The following AVL9 variants were observed in gnomAD, a reference collection of about 807,000 sequenced individuals.
The protein encoded by AVL9 is AVL9 cell migration associated.
In AVL9, 49 loss-of-function variants were observed where a neutral mutation model predicts 79.2. The ratio of observed to expected loss-of-function variants is 0.62; its 90% CI spans 0.49 to 0.79. The LOEUF (loss-of-function observed/expected upper bound fraction) is 0.79, where lower values mean the gene tolerates loss of function less well. Ranked by LOEUF, AVL9 falls within the 30% of genes least tolerant of loss-of-function variation. AVL9 has a pLI of 0.00. For synonymous variants in AVL9, 299 were observed against 280.6 expected, an observed-to-expected ratio of 1.07 and a Z score of -0.65; for missense variants, 682 against 776.8, an observed-to-expected ratio of 0.88 and a Z score of 1.45.
chr7:32,551,464 A>G, intron 5 of AVL9, 41 bp downstream of exon 5: 1 of 1,127,406 alleles, frequency 8.9e-7, no homozygotes, highest in Non-Finnish European at 1.3e-6. Flanking sequence ...GGCTGAAGAT[A>G]GACTCATGAA....
intron 10 of AVL9, among the ~76,000 whole-genome samples, chr7:32,565,369 G>T (rs1165710021): frequency 6.6e-6 from 1 of 152,092 alleles, no homozygotes; most frequent in African/African-American, 2.4e-5. Flanking sequence ...AGACCAGCCT[G>T]ACCAACATGG....
intron 1 of AVL9, among the ~76,000 whole-genome samples, chr7:32,528,642 G>T (rs1170891787): frequency 6.6e-6 from 1 of 151,964 alleles, no homozygotes; most frequent in African/African-American, 2.4e-5. Flanking sequence ...CTTTTTTTCA[G>T]AAAAGAAACT....
rs1323156995 is a variant in AVL9 at position 32,584,024 on chromosome 7, T to C, written c.*117T>C. The C allele has an allele frequency of 1.7e-5, 13 of 755,650 alleles. No homozygotes were observed. Among genetic ancestry groups the C allele is most frequent in the Admixed American group, 6.0e-5 (3 of 50,416 alleles). The allele number at this position is 755,650 out of a possible 1,614,324, so 46.8% of individuals were successfully genotyped here. On this transcript the variant is annotated 3_prime_UTR_variant, in exon 16 of 16. Coordinates refer to ENST00000318709, the MANE Select transcript of AVL9 (RefSeq NM_015060.3). ...GCAGGGGACCATATGTCGAACTGTT[T>C]ACATGGATGTTGCTCTAAGTGAATG...
intron 1 of AVL9, chr7:32,532,543 G>A (rs1365702412): frequency 9.1e-6 from 1 of 109,868 alleles, no homozygotes; most frequent in African/African-American, 3.2e-5. Context: ...ACTGTGGTGG[G>A]ATTCTCATAA....
chr7:32,522,898 A>T (rs1415716349), intron 1 of AVL9, among the ~76,000 whole-genome samples: 1 of 152,066 alleles, frequency 6.6e-6, no homozygotes, highest in Non-Finnish European at 1.5e-5. Context: ...TGATGGGTTT[A>T]TCAGGAGTTT....
At chr7:32,497,584 T>G (rs962081607) in intron 1 of AVL9, among the ~76,000 whole-genome samples, 2 of 152,110 alleles carry the variant, frequency 1.3e-5, no homozygotes, top group Non-Finnish European at 2.9e-5. Flanking sequence ...CGGTTTTAAC[T>G]TGTGTGAGGG....
At chr7:32,558,870 C>T (rs1477693329) in intron 9 of AVL9, 59 bp from the exon 10 acceptor site, 3 of 1,409,124 alleles carry the variant, frequency 2.1e-6, no homozygotes, top group African/African-American at 1.4e-5. Context: ...TAATATATAG[C>T]TCTCAGGTTC....
chr7:32,575,089 T>TTTTTGTTTTGTTTTGTTTTG (rs10634953), intron 12 of AVL9, among the ~76,000 whole-genome samples: 22 of 149,350 alleles, frequency 1.5e-4, no homozygotes, highest in African/African-American at 5.2e-4. Context: ...TTTAAGACTT[T>TTTTTGTTTTGTTTTGTTTTG]TTTTGTTTTG....
chr7:32,520,047 G>C (rs1203216790), intron 1 of AVL9, among the ~76,000 whole-genome samples: 1 of 152,272 alleles, frequency 6.6e-6, no homozygotes, highest in East Asian at 1.9e-4. Flanking sequence ...CTCCCACCAG[G>C]TCCCTCCCCT....
In AVL9 at chr7:32,572,524, C is replaced by T. The variant is rs1014288809; in HGVS notation, c.1351-675C>T. Among the ~76,000 whole-genome samples, 6 of 150,308 alleles carry T rather than the reference C, an allele frequency of 4.0e-5. 1 individual carries two copies. The highest frequency in any genetic ancestry group is 1.5e-4 in the African/African-American group (6 of 39,874). ...AATAAGATATTCTAAAGTATCTGGC[C>T]GGGCATGGTGGCTCACGCCTGTAAT... On this transcript the variant is annotated intron_variant, in intron 11 of 15. Transcript: ENST00000318709.
At chr7:32,574,122 T>G (rs778356902) in intron 12 of AVL9, among the ~76,000 whole-genome samples, 4 of 152,200 alleles carry the variant, frequency 2.6e-5, no homozygotes, top group Non-Finnish European at 5.9e-5. Flanking sequence ...CTAACCATTA[T>G]TTTTTTAATT....
chr7:32,502,834 G>A (rs184129973), intron 1 of AVL9, among the ~76,000 whole-genome samples: 451 of 152,308 alleles, frequency 3.0e-3, no homozygotes, highest in Non-Finnish European at 4.5e-3. Flanking sequence ...CTCTGACTTT[G>A]TTGGGCCCTA....
At chr7:32,547,548 G>A (rs997055150) in intron 3 of AVL9, among the ~76,000 whole-genome samples, 1 of 152,152 alleles carries the variant, frequency 6.6e-6, no homozygotes, top group African/African-American at 2.4e-5. Context: ...TGTTTTAACA[G>A]CCCTCGTGCT....
chr7:32,567,921 T>C (rs1445275790), intron 10 of AVL9, among the ~76,000 whole-genome samples: 2 of 151,994 alleles, frequency 1.3e-5, no homozygotes, highest in African/African-American at 4.8e-5. Context: ...GGTTTCACCA[T>C]GTTGGTCAGG....
intron 1 of AVL9, among the ~76,000 whole-genome samples, chr7:32,513,495 A>G (rs1489512400): frequency 3.9e-5 from 6 of 152,220 alleles, no homozygotes; most frequent in Admixed American, 1.3e-4. Context: ...CTTTCAACCA[A>G]TTGCCAATCA....
In AVL9 at chr7:32,580,222, TC is replaced by T; in HGVS notation, c.1694del (p.Pro565HisfsTer11). 6.2e-7 allele frequency: 1 copy of T among 1,611,006 alleles called. No individual in the cohort carries two copies. Among genetic ancestry groups the T allele is most frequent in the Non-Finnish European group, 8.5e-7 (1 of 1,178,700 alleles). ...TAAACTCAAACTTTTTTTACAGCCA[TC>T]CATTTCAAGGCCAATACTCAGTATC... The part of the protein sequence containing the change: ...PALAEINPNH[P>X]FQGQYSVSDM... On this transcript the variant is annotated frameshift_variant, in exon 14 of 16. Transcript: ENST00000318709. LOFTEE classifies it high-confidence loss of function.
chr7:32,515,923 TA>T (rs903795935), intron 1 of AVL9, among the ~76,000 whole-genome samples: 1 of 151,870 alleles, frequency 6.6e-6, no homozygotes, highest in African/African-American at 2.4e-5. Flanking sequence ...TTCCTGTCTT[TA>T]AAAAAAAATT....
At chr7:32,552,947 T>C (rs974979245) in intron 6 of AVL9, among the ~76,000 whole-genome samples, 1 of 152,204 alleles carries the variant, frequency 6.6e-6, no homozygotes, top group Admixed American at 6.5e-5. Flanking sequence ...TAATTTATAC[T>C]ATCTTGACAA....
At chr7:32,517,308 TC>T (rs1249067151) in intron 1 of AVL9, among the ~76,000 whole-genome samples, 2 of 151,148 alleles carry the variant, frequency 1.3e-5, no homozygotes, top group Non-Finnish European at 1.5e-5. Context: ...TTTTTCTTTT[TC>T]TTTTTTTTTT....
Sources: allele counts gnomAD v4.1 joint callset (sites outside exome capture counted in the v4.1 genomes callset), GRCh38; gene constraint gnomAD v4.1.1; transcripts MANE v1.5; gene names NCBI Gene and HGNC (gene_info 2026-07-23, HGNC 2026-07-21).